Variants in GRB10 observed in about 807,000 individuals in gnomAD.
The protein encoded by GRB10 is growth factor receptor-bound protein 10.
A neutral mutation model predicts 80.9 loss-of-function variants in GRB10; 20 were observed. The ratio of observed to expected loss-of-function variants is 0.25; its 90% CI spans 0.17 to 0.36. The LOEUF (loss-of-function observed/expected upper bound fraction) is 0.36, where lower values mean the gene tolerates loss of function less well. GRB10 is among the 10% of genes least tolerant of loss of function. The pLI, the probability that GRB10 is intolerant of heterozygous loss-of-function variation, is 1.00. For missense variants in GRB10, 548 were observed against 747.7 expected (o/e 0.73, Z 3.12); for synonymous variants, 291 against 291.5 (o/e 1.00, Z 0.02).
At chr7:50,606,585 G>A (rs1462028063) in intron 13 of GRB10, 171 bp from the exon 14 acceptor site, 4 of 650,398 alleles carry the variant, frequency 6.2e-6, no homozygotes, top group Non-Finnish European at 1.1e-5. Flanking sequence ...GGGATTAGGA[G>A]CAATGACGCC....
chr7:50,761,984 C>T (rs1036009978), intron 2 of GRB10: 3 of 152,096 alleles, frequency 2.0e-5, no homozygotes, highest in African/African-American at 4.8e-5. Context: ...CCTCAGAAGC[C>T]GAGTAGATGC....
intron 3 of GRB10, among the ~76,000 whole-genome samples, chr7:50,750,177 A>G (rs2073855782): frequency 6.6e-6 from 1 of 152,206 alleles, no homozygotes; most frequent in Non-Finnish European, 1.5e-5. Flanking sequence ...AAAGCACCCT[A>G]AAACCAGCTC....
chr7:50,749,104 GT>G (rs1020370460), intron 3 of GRB10, among the ~76,000 whole-genome samples: 15 of 136,108 alleles, frequency 1.1e-4, no homozygotes, highest in African/African-American at 3.8e-4. Flanking sequence ...AAAATGTTGG[GT>G]TTTTTTGTTT....
At chr7:50,748,185 G>T (rs1452159822) in intron 3 of GRB10, among the ~76,000 whole-genome samples, 5 of 152,172 alleles carry the variant, frequency 3.3e-5, no homozygotes, top group Admixed American at 2.0e-4. Flanking sequence ...CTTTAACGGG[G>T]TCCTGTGGTT....
At position 50,777,429 on chromosome 7, in the gene GRB10, T is replaced by C. The variant is rs932038765; in HGVS notation, c.-217+3198A>G. Among the ~76,000 whole-genome samples the C allele has an allele frequency of 1.3e-4, 19 of 146,274 alleles. 1 individual carries two copies. In the East Asian group the frequency reaches 1.4e-3, roughly 11 times the overall value. On this transcript the variant is annotated intron_variant, in intron 2 of 18. Coordinates refer to ENST00000401949, the MANE Select transcript of GRB10 (RefSeq NM_001350814.2). ...TACATTCAGACCACAGCAATCTGTA[T>C]ACACACACACACACACACACACACA...
chr7:50,693,968 C>CA (rs1419720999), intron 5 of GRB10, among the ~76,000 whole-genome samples: 2 of 146,034 alleles, frequency 1.4e-5, no homozygotes, highest in Non-Finnish European at 3.0e-5. Context: ...AAGCAGAAGA[C>CA]AAAAAAAGCT....
chr7:50,723,495 T>C lies in GRB10; in HGVS notation c.51+8777A>G, dbSNP rs140620680. On this transcript the variant is annotated intron_variant, in intron 4 of 18. Transcript: ENST00000401949. ...TCAGCTGAGGTCTGGAAATGAAGGA[T>C]GAACCCCTCAGCCAGTACCCCAGAG... 5.4e-3 allele frequency among the ~76,000 whole-genome samples: 826 copies of C among 152,298 alleles called. 10 individuals carry two copies. Among genetic ancestry groups the C allele is most frequent in the African/African-American group, 0.018 (757 of 41,556 alleles).
intron 4 of GRB10, chr7:50,710,928 T>A (rs762518192): frequency 1.7e-5 from 28 of 1,611,662 alleles, no homozygotes; most frequent in Non-Finnish European, 1.8e-5. Flanking sequence ...TCTCTCCCTC[T>A]CTCTACAGTG....
chr7:50,613,739 G>A (rs2050008506), intron 12 of GRB10, among the ~76,000 whole-genome samples: 1 of 152,182 alleles, frequency 6.6e-6, no homozygotes, highest in African/African-American at 2.4e-5. Context: ...CCCGCCTGAG[G>A]CTGCCTTGGG....
At chr7:50,670,280 G>A (rs983836140) in intron 6 of GRB10, among the ~76,000 whole-genome samples, 1 of 152,116 alleles carries the variant, frequency 6.6e-6, no homozygotes, top group Middle Eastern at 3.4e-3. Flanking sequence ...CTAAGGGGAG[G>A]GCAATGGGGA....
chr7:50,774,883 C>A (rs1245625218), intron 2 of GRB10, among the ~76,000 whole-genome samples: 1 of 151,954 alleles, frequency 6.6e-6, no homozygotes, highest in Admixed American at 6.6e-5. Flanking sequence ...GTGGCTCACT[C>A]CTGTAATCTC....
intron 5 of GRB10, among the ~76,000 whole-genome samples, chr7:50,683,635 C>A (rs893409025): frequency 1.3e-5 from 2 of 151,940 alleles, no homozygotes; most frequent in Non-Finnish European, 2.9e-5. Flanking sequence ...TATTCAAGAG[C>A]CTGAGGCAGG....
rs2045887083 is a variant in GRB10, at chr7:50,591,904, G to C, written c.*1048C>G. On this transcript the variant is annotated 3_prime_UTR_variant, in exon 19 of 19. Transcript: ENST00000401949. ...ATGAGACACAGCACGAAGACAACCA[G>C]GTGCCATTTTCTCTTTAGATCCTTT... The C allele has an allele frequency of 6.6e-6, 1 of 152,222 alleles. No individual in the cohort carries two copies. The highest frequency in any genetic ancestry group is 2.1e-4 in the South Asian group (1 of 4,830). The allele number at this position is 152,222 out of a possible 1,614,324, so 9.4% of individuals were successfully genotyped here.
chr7:50,717,593 C>G (rs2067060013), intron 4 of GRB10, among the ~76,000 whole-genome samples: 1 of 152,244 alleles, frequency 6.6e-6, no homozygotes, highest in South Asian at 2.1e-4. Flanking sequence ...ACAGATATGA[C>G]AACAGGCCCC....
intron 3 of GRB10, among the ~76,000 whole-genome samples, chr7:50,742,650 A>G (rs2072098151): frequency 6.6e-6 from 1 of 151,454 alleles, no homozygotes; most frequent in South Asian, 2.1e-4. Context: ...TGGACTGCAT[A>G]TTACATCACT....
chr7:50,723,706 A>G (rs1554602579), intron 4 of GRB10, among the ~76,000 whole-genome samples: 1 of 152,252 alleles, frequency 6.6e-6, no homozygotes. Flanking sequence ...CAGTGCAGGT[A>G]TAACTGTCAG....
intron 13 of GRB10, among the ~76,000 whole-genome samples, chr7:50,611,187 T>C (rs1468925904): frequency 3.3e-5 from 5 of 152,220 alleles, no homozygotes; most frequent in Admixed American, 6.5e-5. Flanking sequence ...TACCATCAAA[T>C]ACAAATATTC....
intron 2 of GRB10, chr7:50,761,652 G>A (rs1363220503): frequency 6.6e-6 from 1 of 152,198 alleles, no homozygotes; most frequent in Non-Finnish European, 1.5e-5. Context: ...AAACAGAAAC[G>A]AGGTGTAAAT....
At chr7:50,737,359 T>C (rs1184417341) in intron 3 of GRB10, among the ~76,000 whole-genome samples, 1 of 152,186 alleles carries the variant, frequency 6.6e-6, no homozygotes, top group Non-Finnish European at 1.5e-5. Context: ...AGCACCTCCC[T>C]CTTCACTCTT....
Sources: allele counts gnomAD v4.1 joint callset (sites outside exome capture counted in the v4.1 genomes callset), GRCh38; gene constraint gnomAD v4.1.1; transcripts MANE v1.5; gene names NCBI Gene and HGNC (gene_info 2026-07-23, HGNC 2026-07-21).